Variants in PACS2 observed in about 807,000 individuals in gnomAD.
PACS2 encodes phosphofurin acidic cluster sorting protein 2, also known as PACS1-like protein.
Under a neutral mutation model 113.0 loss-of-function variants are expected in PACS2, and 36 were observed. That is an observed-to-expected ratio of 0.32 (90% CI 0.24 to 0.42). The LOEUF is 0.42. PACS2 is among the 10% of genes least tolerant of loss of function. PACS2 has a pLI of 1.00. For missense variants in PACS2, 1,015 were observed against 1,239.5 expected, an observed-to-expected ratio of 0.82 and a Z score of 2.72; for synonymous variants, 589 against 536.1, an observed-to-expected ratio of 1.10 and a Z score of -1.36.
chr14:105,315,019 GC>G lies in PACS2; in HGVS notation c.105del (p.Ser36AlafsTer9). 1 of 1,226,110 alleles carries G rather than the reference GC, an allele frequency of 8.2e-7. No individual in the cohort carries two copies. The highest frequency in any genetic ancestry group is 1.0e-6 in the Non-Finnish European group (1 of 965,528). 76.0% of individuals were successfully genotyped at this position (1,226,110 alleles called of 1,614,324 possible). The part of the protein sequence containing the change: ...LFATWEVDGS[S>X]PSCVPRLCSL... The stretch of plus-strand genomic sequence containing the variant: ...GCCACCTGGGAGGTGGACGGCTCCA[GC>G]CCCAGCTGCGTGCCCAGGTACGCGC... On this transcript the variant is annotated frameshift_variant, in exon 1 of 25. Transcript: ENST00000447393. LOFTEE classifies it high-confidence loss of function. This position sits in a 1 kb window ranked among gnomAD's most constrained non-coding sequence, Gnocchi z 4.4.
chr14:105,319,192 C>T (rs866347473), intron 1 of PACS2, among the ~76,000 whole-genome samples: 7 of 151,886 alleles, frequency 4.6e-5, no homozygotes, highest in Non-Finnish European at 2.9e-5. Flanking sequence ...GTGATCCGCC[C>T]GCCTTGGCCT....
chr14:105,356,735 C>T lies in PACS2; in HGVS notation c.423+1558C>T, dbSNP rs1164096403. Among the ~76,000 whole-genome samples, 1 of 149,196 alleles carries T rather than the reference C, an allele frequency of 6.7e-6. No homozygotes were observed. Among genetic ancestry groups the T allele is most frequent in the East Asian group, 2.0e-4 (1 of 5,054 alleles). On this transcript the variant is annotated intron_variant, in intron 4 of 24. Coordinates refer to ENST00000447393, the MANE Select transcript of PACS2 (RefSeq NM_001100913.3). This position sits in a 1 kb window ranked among gnomAD's most constrained non-coding sequence, Gnocchi z 4.0. ...GCCATGCAGGCGAGGTCCTGCTGAT[C>T]CCTGCCGGTCCCTGTGTTTCCCATT...
chr14:105,357,700 G>A lies in PACS2; in HGVS notation c.423+2523G>A, dbSNP rs2060507859. ...GCCCCGAGGGCACAGACGGACACAG[G>A]TGGCAGAGGTGGGGGGCTCTCACCA... is the stretch of plus-strand genomic sequence containing the variant. On this transcript the variant is annotated intron_variant, in intron 4 of 24. Coordinates refer to ENST00000447393, the MANE Select transcript of PACS2 (RefSeq NM_001100913.3). The surrounding 1 kb of genome is among the most constrained non-coding windows in gnomAD (Gnocchi z 5.1). Among the ~76,000 whole-genome samples, 1 of 152,216 alleles carries A rather than the reference G, an allele frequency of 6.6e-6. No individual in the cohort carries two copies. The highest frequency in any genetic ancestry group is 6.5e-5 in the Admixed American group (1 of 15,288).
At chr14:105,316,438 C>G (rs1003455042) in intron 1 of PACS2, among the ~76,000 whole-genome samples, 1 of 152,216 alleles carries the variant, frequency 6.6e-6, no homozygotes, top group Non-Finnish European at 1.5e-5. Flanking sequence ...CCTGTCTGCC[C>G]CTCTGAGTCA....
rs1407967102 is a variant in PACS2 at position 105,376,347 on chromosome 14, AGT to A, written c.802-419_802-418del. Among the ~76,000 whole-genome samples the A allele has an allele frequency of 6.6e-6, 1 of 151,696 alleles. No homozygotes were observed. Among genetic ancestry groups the A allele is most frequent in the African/African-American group, 2.4e-5 (1 of 41,264 alleles). On this transcript the variant is annotated intron_variant, in intron 8 of 24. Coordinates refer to ENST00000447393, the MANE Select transcript of PACS2 (RefSeq NM_001100913.3). The surrounding 1 kb of genome is among the most constrained non-coding windows in gnomAD (Gnocchi z 4.7). ...GAAAGGGCAGAATGTACAGGAACAG[AGT>A]GAGATTCGCAGGGCCTGGGGCTGAG...
chr14:105,393,131 C>G (rs1370021862), intron 23 of PACS2, 91 bp from the exon 24 acceptor site: 1 of 960,578 alleles, frequency 1.0e-6, no homozygotes, highest in Non-Finnish European at 1.7e-6. Flanking sequence ...ACCAGCTGAG[C>G]CCCCAGTGCC....
At chr14:105,338,914 C>T (rs2059623450) in intron 1 of PACS2, among the ~76,000 whole-genome samples, 1 of 152,224 alleles carries the variant, frequency 6.6e-6, no homozygotes, top group African/African-American at 2.4e-5. Flanking sequence ...TCCTTCCACC[C>T]ACCCAGCTGC....
chr14:105,341,537 G>C (rs925544426), intron 1 of PACS2, among the ~76,000 whole-genome samples: 15 of 152,196 alleles, frequency 9.9e-5, no homozygotes, highest in African/African-American at 3.1e-4. Context: ...GTCTTCTGTA[G>C]GTTTTCTGGT....
chr14:105,310,187 A>G (rs1345623343), upstream of PACS2, among the ~76,000 whole-genome samples: 4 of 151,874 alleles, frequency 2.6e-5, no homozygotes, highest in Admixed American at 1.3e-4. Flanking sequence ...TCCACTGGGA[A>G]TTTTTTAGTG....
At chr14:105,322,539 T>A (rs1566901313) in intron 1 of PACS2, among the ~76,000 whole-genome samples, 1 of 152,270 alleles carries the variant, frequency 6.6e-6, no homozygotes, top group Non-Finnish European at 1.5e-5. Context: ...GTGCTGGGAT[T>A]ACAGGCATAA....
Position 105,392,844 on chromosome 14 carries a change from G to A in PACS2, c.2481G>A (p.Lys827=). 6 of 1,594,990 alleles carry A rather than the reference G, an allele frequency of 3.8e-6. No individual in the cohort carries two copies. Among genetic ancestry groups the A allele is most frequent in the Non-Finnish European group, 4.3e-6 (5 of 1,174,024 alleles). The change falls in exon 23 of 25, where the codon AAG becomes AAA. Residue 827 remains lysine (K), a splice_region_variant and synonymous_variant. Transcript: ENST00000447393. ...TGGTCACCAAGGAGAAGAACAAGAA[G>A]GGTGAGGTGGGGCAGGCTATAAGGC... ...MTVVTKEKNK[K]VMFLPKKAKD...
chr14:105,356,938 C>T lies in PACS2; in HGVS notation c.423+1761C>T, dbSNP rs1400854800. ...CATTAGCCATGCAGGCGATGTCCTG[C>T]TGATCCCTGCCGGTCCCTGTGTTTC... On this transcript the variant is annotated intron_variant, in intron 4 of 24. Coordinates refer to ENST00000447393, the MANE Select transcript of PACS2 (RefSeq NM_001100913.3). This position sits in a 1 kb window ranked among gnomAD's most constrained non-coding sequence, Gnocchi z 4.0. 3.3e-5 allele frequency among the ~76,000 whole-genome samples: 5 copies of T among 149,398 alleles called. No individual in the cohort carries two copies. Among genetic ancestry groups the T allele is most frequent in the Non-Finnish European group, 5.9e-5 (4 of 67,702 alleles).
rs372505452 is a variant in PACS2, at chr14:105,366,480, G to C, written c.424-733G>C. Among the ~76,000 whole-genome samples, 2 of 152,232 alleles carry C rather than the reference G, an allele frequency of 1.3e-5. No homozygotes were observed. Among genetic ancestry groups the C allele is most frequent in the African/African-American group, 4.8e-5 (2 of 41,464 alleles). ...AGTGTCTGAGAGTTGTCGTCATGGC[G>C]TGTGGTTCTGAGGCTGGCGTGGGGC... On this transcript the variant is annotated intron_variant, in intron 4 of 24. Coordinates refer to ENST00000447393, the MANE Select transcript of PACS2 (RefSeq NM_001100913.3). This position sits in a 1 kb window ranked among gnomAD's most constrained non-coding sequence, Gnocchi z 4.3.
chr14:105,302,927 C>T (rs920830638), intron 1 of PACS2, among the ~76,000 whole-genome samples: 14 of 149,040 alleles, frequency 9.4e-5, no homozygotes, highest in Non-Finnish European at 1.9e-4. Context: ...CACTGCTCCC[C>T]GCCCTTTCTC....
At position 105,392,700 on chromosome 14, in the gene PACS2, C is replaced by G. The variant is rs782540445; in HGVS notation, c.2337C>G (p.Ala779=). ...AAQPADRKRD[A]EKKDLPVTKN... The stretch of plus-strand genomic sequence containing the variant: ...AGCCTGCGGACAGGAAGAGGGACGC[C>G]GAGAAGAAGGACCTGCCTGTCACCA... Residue 779 remains alanine (A), a synonymous_variant, in exon 23 of 25, where the codon GCC becomes GCG. Transcript: ENST00000447393. 1 of 1,612,810 alleles carries G rather than the reference C, an allele frequency of 6.2e-7. No individual in the cohort carries two copies. The highest frequency in any genetic ancestry group is 8.5e-7 in the Non-Finnish European group (1 of 1,179,926).
intron 1 of PACS2, among the ~76,000 whole-genome samples, chr14:105,304,249 T>C (rs1344039702): frequency 2.0e-5 from 3 of 152,118 alleles, no homozygotes; most frequent in Non-Finnish European, 4.4e-5. Flanking sequence ...CCCAGCACTT[T>C]GGGAGGCTGA....
intron 1 of PACS2, among the ~76,000 whole-genome samples, chr14:105,342,067 T>C (rs2059747110): frequency 6.6e-6 from 1 of 152,200 alleles, no homozygotes; most frequent in South Asian, 2.1e-4. Flanking sequence ...GAAACGAGCG[T>C]GGAAGCCTGA....
At chr14:105,387,552 T>C (rs2081219830) in intron 19 of PACS2, among the ~76,000 whole-genome samples, 1 of 152,176 alleles carries the variant, frequency 6.6e-6, no homozygotes, top group Non-Finnish European at 1.5e-5. Flanking sequence ...TGTGTGTGCC[T>C]CCAGGGTCAG....
chr14:105,311,873 C>T (rs2140706613), upstream of PACS2, among the ~76,000 whole-genome samples: 1 of 152,350 alleles, frequency 6.6e-6, no homozygotes, highest in East Asian at 1.9e-4. Flanking sequence ...GTGCTCCAAC[C>T]ATGGGAGTGG....
Sources: allele counts gnomAD v4.1 joint callset (sites outside exome capture counted in the v4.1 genomes callset), GRCh38; gene constraint gnomAD v4.1.1; non-coding constraint Gnocchi (gnomAD v3.1); transcripts MANE v1.5; gene names NCBI Gene and HGNC (gene_info 2026-07-23, HGNC 2026-07-21).